Variants in IQGAP2 observed in about 807,000 individuals in gnomAD.
The protein encoded by IQGAP2 is IQ motif containing GTPase activating protein 2, also known as ras GTPase-activating-like protein IQGAP2.
A neutral mutation model predicts 201.3 loss-of-function variants in IQGAP2; 173 were observed. The observed-to-expected ratio is 0.86, with a 90% CI of 0.76 to 0.98. The LOEUF (loss-of-function observed/expected upper bound fraction) is 0.98, where lower values mean the gene tolerates loss of function less well. Among genes scored for constraint, IQGAP2 ranks in the 50% least tolerant of loss-of-function variants. The pLI, the probability that IQGAP2 is intolerant of heterozygous loss-of-function variation, is 0.00. For missense variants in IQGAP2, 1,687 were observed against 1,864.8 expected, an observed-to-expected ratio of 0.90 and a Z score of 1.76; for synonymous variants, 675 against 673.9, an observed-to-expected ratio of 1.00 and a Z score of -0.03.
intron 2 of IQGAP2, among the ~76,000 whole-genome samples, chr5:76,494,779 C>T (rs1756783648): frequency 6.6e-6 from 1 of 152,150 alleles, no homozygotes; most frequent in Non-Finnish European, 1.5e-5. Context: ...CTCCTTGTCC[C>T]TACCTCCTCC....
chr5:76,582,796 A>T (rs1325263982), intron 5 of IQGAP2, among the ~76,000 whole-genome samples: 1 of 152,146 alleles, frequency 6.6e-6, no homozygotes, highest in Non-Finnish European at 1.5e-5. Flanking sequence ...TACTACTACT[A>T]CTACTACTAT....
At chr5:76,434,358 C>T (rs577026228) in intron 1 of IQGAP2, among the ~76,000 whole-genome samples, 2 of 152,186 alleles carry the variant, frequency 1.3e-5, no homozygotes, top group East Asian at 3.9e-4. Flanking sequence ...CCTCCTCTTT[C>T]TGAGTCTCCA....
chr5:76,646,213 C>G (rs1752023885), intron 17 of IQGAP2, among the ~76,000 whole-genome samples: 1 of 152,224 alleles, frequency 6.6e-6, no homozygotes, highest in African/African-American at 2.4e-5. Flanking sequence ...TCCACTTCCC[C>G]TAGTTTCTGT....
At chr5:76,636,952 T>A in intron 15 of IQGAP2, 82 bp from the exon 16 acceptor site, 1 of 1,146,830 alleles carries the variant, frequency 8.7e-7, no homozygotes, top group Non-Finnish European at 1.2e-6. Flanking sequence ...ACATATTCAA[T>A]TATTTTACAT....
chr5:76,407,326 G>A (rs1337266678), intron 1 of IQGAP2, among the ~76,000 whole-genome samples: 1 of 152,148 alleles, frequency 6.6e-6, no homozygotes, highest in East Asian at 1.9e-4. Flanking sequence ...AAGTTACTAA[G>A]TTAGTTACCT....
intron 1 of IQGAP2, among the ~76,000 whole-genome samples, chr5:76,448,905 A>C (rs1034874029): frequency 2.0e-5 from 3 of 152,200 alleles, no homozygotes; most frequent in African/African-American, 7.2e-5. Context: ...TAGGTGTTCC[A>C]AGTCAGCCAC....
At chr5:76,479,597 T>C (rs1485690974) in intron 2 of IQGAP2, among the ~76,000 whole-genome samples, 1 of 152,136 alleles carries the variant, frequency 6.6e-6, no homozygotes, top group East Asian at 1.9e-4. Context: ...ACCCTTCCAT[T>C]TCAGTGGGAT....
intron 17 of IQGAP2, among the ~76,000 whole-genome samples, chr5:76,646,216 G>C (rs533325033): frequency 1.3e-5 from 2 of 152,312 alleles, no homozygotes; most frequent in South Asian, 4.1e-4. Context: ...ACTTCCCCTA[G>C]TTTCTGTTGT....
chr5:76,449,970 C>T (rs1016536679), intron 1 of IQGAP2, among the ~76,000 whole-genome samples: 1 of 152,182 alleles, frequency 6.6e-6, no homozygotes, highest in African/African-American at 2.4e-5. Flanking sequence ...TCTTTCAGCT[C>T]TGGGCTAAAG....
At position 76,667,533 on chromosome 5, in the gene IQGAP2, G is replaced by C. The variant is rs142564134; in HGVS notation, c.2680-1148G>C. Among the ~76,000 whole-genome samples the C allele has an allele frequency of 5.6e-3, 846 of 152,276 alleles. 8 individuals carry two copies. The highest frequency in any genetic ancestry group is 0.019 in the African/African-American group (779 of 41,560). On this transcript the variant is annotated intron_variant, in intron 22 of 35. Transcript: ENST00000274364. ...GAACTTCTACCTGGTAGGTGTAGCT[G>C]CTGGAGAAAAGCCACATCACCATGA...
At chr5:76,556,392 G>T (rs903790087) in intron 2 of IQGAP2, among the ~76,000 whole-genome samples, 2 of 152,108 alleles carry the variant, frequency 1.3e-5, no homozygotes, top group African/African-American at 4.8e-5. Context: ...AGTTCCCGCT[G>T]GCATTCACCT....
intron 2 of IQGAP2, among the ~76,000 whole-genome samples, chr5:76,486,564 G>A (rs914902193): frequency 1.3e-5 from 2 of 152,142 alleles, no homozygotes; most frequent in African/African-American, 4.8e-5. Context: ...TGCTTAAATA[G>A]CGCTGAAGGC....
intron 14 of IQGAP2, among the ~76,000 whole-genome samples, chr5:76,630,515 G>A (rs1750607876): frequency 6.6e-6 from 1 of 152,096 alleles, no homozygotes; most frequent in South Asian, 2.1e-4. Flanking sequence ...TCAGTTATCT[G>A]GAAATTGACC....
At chr5:76,602,209 C>T (rs978112307) in intron 11 of IQGAP2, among the ~76,000 whole-genome samples, 9 of 152,200 alleles carry the variant, frequency 5.9e-5, no homozygotes, top group South Asian at 2.1e-4. Flanking sequence ...GGTCATCCTA[C>T]TTCTTTTCTC....
chr5:76,467,162 G>A (rs1208619653), intron 2 of IQGAP2, among the ~76,000 whole-genome samples: 1 of 152,212 alleles, frequency 6.6e-6, no homozygotes, highest in African/African-American at 2.4e-5. Flanking sequence ...TAAAGTGGGA[G>A]AATTGCTTGA....
chr5:76,689,247 A>AC (rs1300130979), intron 30 of IQGAP2, among the ~76,000 whole-genome samples: 2 of 149,728 alleles, frequency 1.3e-5, no homozygotes, highest in Non-Finnish European at 3.0e-5. Context: ...AAAAAAAAAA[A>AC]AAAAAAAAAC....
intron 2 of IQGAP2, among the ~76,000 whole-genome samples, chr5:76,465,802 A>G (rs1027340973): frequency 1.3e-5 from 2 of 152,236 alleles, no homozygotes; most frequent in African/African-American, 2.4e-5. Context: ...CATTAAAAAC[A>G]ATAAAATTCT....
chr5:76,584,492 G>A (rs1007645195), intron 5 of IQGAP2, among the ~76,000 whole-genome samples: 7 of 152,130 alleles, frequency 4.6e-5, no homozygotes, highest in East Asian at 1.9e-4. Context: ...AGGAGCTGTC[G>A]TGAGGTTTGC....
rs1747989192 is a variant in IQGAP2 at position 76,707,272 on chromosome 5, C to CT, written c.4689dup (p.Leu1564SerfsTer30). The CT allele has an allele frequency of 4.4e-6, 7 of 1,578,760 alleles. No homozygotes were observed. The highest frequency in any genetic ancestry group is 5.2e-6 in the Non-Finnish European group (6 of 1,148,016). ...TGATAAGGTTAAAGTGAATGTAAAC[C>CT]TTCTCATATACCTGCTGAACAAGAA... is the stretch of plus-strand genomic sequence containing the variant. On this transcript the variant is annotated frameshift_variant, in exon 36 of 36. Coordinates refer to ENST00000274364, the MANE Select transcript of IQGAP2 (RefSeq NM_006633.5). LOFTEE classifies it high-confidence loss of function.
Sources: allele counts gnomAD v4.1 joint callset (sites outside exome capture counted in the v4.1 genomes callset), GRCh38; gene constraint gnomAD v4.1.1; transcripts MANE v1.5; gene names NCBI Gene and HGNC (gene_info 2026-07-23, HGNC 2026-07-21).